Variants in ZNF883 observed in about 807,000 individuals in gnomAD.
ZNF883 encodes zinc finger protein 883.
intron 2 of ZNF883, among the ~76,000 whole-genome samples, 156 bp downstream of exon 2, chr9:113,010,984 CA>C (rs35069505): frequency 0.17 from 19,836 of 117,836 alleles, 1,143 homozygotes; most frequent in Non-Finnish European, 0.2. Context: ...GACCTTGTCT[CA>C]AAAAAAAAAA....
chr9:112,996,211 G>A (rs955435075), downstream of ZNF883, among the ~76,000 whole-genome samples: 2 of 152,000 alleles, frequency 1.3e-5, no homozygotes, highest in African/African-American at 4.8e-5. Flanking sequence ...AAAAATTAGG[G>A]AGGGCCTGAA....
chr9:113,001,131 G>C (rs1828417573), upstream of ZNF883, among the ~76,000 whole-genome samples: 1 of 152,060 alleles, frequency 6.6e-6, no homozygotes, highest in Admixed American at 6.6e-5. Context: ...AATAATTTTA[G>C]CAGAAGACAA....
At chr9:112,996,277 TA>T (rs1227523778), downstream of ZNF883, among the ~76,000 whole-genome samples, 2 of 152,320 alleles carry the variant, frequency 1.3e-5, no homozygotes, top group South Asian at 2.1e-4. Flanking sequence ...TATAGTCCAT[TA>T]AAAAATATTA....
chr9:112,993,496 G>A (rs185733103), downstream of ZNF883, among the ~76,000 whole-genome samples: 27 of 152,310 alleles, frequency 1.8e-4, no homozygotes, highest in Non-Finnish European at 3.4e-4. Context: ...GGTGTCTGGT[G>A]ACCTCTGTTG....
At chr9:113,005,096 G>A (rs1029354050) in intron 2 of ZNF883, among the ~76,000 whole-genome samples, 1 of 151,976 alleles carries the variant, frequency 6.6e-6, no homozygotes, top group Non-Finnish European at 1.5e-5. Flanking sequence ...AACTATAAAA[G>A]AGCCAGGAAA....
exon 1 of ZNF883, chr9:112,997,814 C>T: frequency 6.2e-7 from 1 of 1,612,926 alleles, no homozygotes; most frequent in Non-Finnish European, 8.5e-7. Flanking sequence ...TGGTTTCTTT[C>T]CAGTATGAAT....
At chr9:112,991,442 T>TGA (rs1226072825) in intron 1 of ZNF883, among the ~76,000 whole-genome samples, 1 of 151,956 alleles carries the variant, frequency 6.6e-6, no homozygotes, top group Non-Finnish European at 1.5e-5. Context: ...TGCTGTGGTC[T>TGA]GAGAGAGTGT....
At chr9:112,990,223 G>T (rs1351958309) in intron 1 of ZNF883, among the ~76,000 whole-genome samples, 2 of 152,140 alleles carry the variant, frequency 1.3e-5, no homozygotes, top group African/African-American at 4.8e-5. Flanking sequence ...TCCAGGTTTT[G>T]CCTATTCAGT....
At chr9:112,996,659 C>T (rs948346280), downstream of ZNF883, among the ~76,000 whole-genome samples, 3 of 149,842 alleles carry the variant, frequency 2.0e-5, no homozygotes, top group Non-Finnish European at 3.0e-5. Context: ...GGCGTGGTAG[C>T]GGGCGCCTGT....
downstream of ZNF883, among the ~76,000 whole-genome samples, chr9:112,995,667 A>G (rs941507294): frequency 2.0e-5 from 3 of 151,824 alleles, no homozygotes; most frequent in African/African-American, 7.3e-5. Context: ...TCACCAATGT[A>G]TATAGAATTT....
At chr9:113,004,968 AAATTT>A (rs1383806570) in intron 2 of ZNF883, among the ~76,000 whole-genome samples, 1 of 152,056 alleles carries the variant, frequency 6.6e-6, no homozygotes, top group Non-Finnish European at 1.5e-5. Context: ...GGAAGGATAA[AAATTT>A]AATAAATAAT....
downstream of ZNF883, among the ~76,000 whole-genome samples, chr9:112,995,135 G>A (rs1456166607): frequency 6.6e-6 from 1 of 152,180 alleles, no homozygotes; most frequent in African/African-American, 2.4e-5. Context: ...TGAACCAGTA[G>A]ACTAAGTAAA....
chr9:112,997,950 T>TCTCACATTCATTACACTCATAAGGTTTC (rs1564332714), exon 1 of ZNF883: 2 of 1,613,926 alleles, frequency 1.2e-6, no homozygotes, highest in Admixed American at 1.7e-5. Flanking sequence ...CTAAAGGTTT[T>TCTCACATTCATTACACTCATAAGGTTTC]TTCACATTCA....
chr9:112,998,918 T>C (rs1828393795), upstream of ZNF883: 1 of 152,232 alleles, frequency 6.6e-6, no homozygotes, highest in Non-Finnish European at 1.5e-5. Context: ...ATCATCCTTT[T>C]GACTCGCTTT....
chr9:113,000,910 T>C (rs1480599859), upstream of ZNF883, among the ~76,000 whole-genome samples: 1 of 151,812 alleles, frequency 6.6e-6, no homozygotes, highest in African/African-American at 2.4e-5. Flanking sequence ...TTTTTTGAGA[T>C]AAAAATAAGT....
At chr9:112,998,135 T>G in exon 1 of ZNF883, 2 of 1,613,954 alleles carry the variant, frequency 1.2e-6, no homozygotes, top group Non-Finnish European at 1.7e-6. Context: ...TATTTTACAT[T>G]CATAAGGTTT....
chr9:113,010,984 CAAAAAAAA>C (rs35069505), intron 2 of ZNF883, among the ~76,000 whole-genome samples, 149 bp downstream of exon 2: 11 of 117,988 alleles, frequency 9.3e-5, no homozygotes, highest in Non-Finnish European at 1.4e-4. Flanking sequence ...GACCTTGTCT[CAAAAAAAA>C]AAAAAAAAAA....
At chr9:112,995,095 TGA>T (rs1828337139), downstream of ZNF883, among the ~76,000 whole-genome samples, 1 of 152,170 alleles carries the variant, frequency 6.6e-6, no homozygotes, top group African/African-American at 2.4e-5. Flanking sequence ...TAGGTGTCTT[TGA>T]ATGTGTTTCA....
At chr9:112,998,595 G>A (rs1186791608), upstream of ZNF883, 5 of 175,638 alleles carry the variant, frequency 2.8e-5, no homozygotes, top group Admixed American at 2.9e-4. Context: ...CTTTTAAATG[G>A]TGTGGTTTTC....
Sources: allele counts gnomAD v4.1 joint callset (sites outside exome capture counted in the v4.1 genomes callset), GRCh38; gene constraint gnomAD v4.1.1; transcripts MANE v1.5; gene names NCBI Gene and HGNC (gene_info 2026-07-23, HGNC 2026-07-21).